The following LCN1 variants were observed in gnomAD, a reference collection of about 807,000 sequenced individuals.
LCN1 encodes lipocalin 1, also known as lipocalin-1.
Under a neutral mutation model 22.3 loss-of-function variants are expected in LCN1, and 25 were observed. The observed-to-expected ratio is 1.12, with a 90% CI of 0.82 to 1.56. The LOEUF (loss-of-function observed/expected upper bound fraction) is 1.56, where lower values mean the gene tolerates loss of function less well. LCN1 is among the 40% of genes most tolerant of loss of function. The pLI, the probability that LCN1 is intolerant of heterozygous loss-of-function variation, is 0.00. For missense variants in LCN1, 219 were observed against 235.6 expected (o/e 0.93, Z 0.46); for synonymous variants, 85 against 97.6 (o/e 0.87, Z 0.76).
Position 135,525,178 on chromosome 9 carries a change from G to C in LCN1, c.*1+20G>C. The C allele has an allele frequency of 6.2e-7, 1 of 1,611,714 alleles. No individual in the cohort carries two copies. Among genetic ancestry groups the C allele is most frequent in the South Asian group, 1.1e-5 (1 of 90,638 alleles). ...ATTAGGGTGAGTGAACAGCTTTAGA[G>C]GACATTTGAGAAAATCCAGTTCTGG... On this transcript the variant is annotated intron_variant, in intron 6 of 6. Coordinates refer to ENST00000371781, the MANE Select transcript of LCN1 (RefSeq NM_002297.4).
intron 5 of LCN1, 22 bp downstream of exon 5, chr9:135,524,953 A>T (rs2118957243): frequency 6.3e-7 from 1 of 1,597,558 alleles, no homozygotes; most frequent in East Asian, 2.3e-5. Flanking sequence ...GGCCCTGCAG[A>T]GCCCCCCATG....
In LCN1 at chr9:135,526,470, C is replaced by A. The variant is rs548879365; in HGVS notation, c.*128C>A. On this transcript the variant is annotated 3_prime_UTR_variant, in exon 7 of 7. Transcript: ENST00000371781. ...CGGCTGGCTGCACCCCTTCCTACCACCCCCCGCCTTCCCCCTGCCCTGCGC... is the reference window on the plus strand; with the variant it reads ...CGGCTGGCTGCACCCCTTCCTACCAACCCCCGCCTTCCCCCTGCCCTGCGC... 8.8e-5 allele frequency: 113 copies of A among 1,277,386 alleles called. No homozygotes were observed. In the African/African-American group the frequency reaches 1.5e-3, roughly 17 times the overall value. 79.1% of individuals were successfully genotyped at this position (1,277,386 alleles called of 1,614,324 possible). A position where few individuals can be genotyped will look rare whatever the true frequency, so the allele number is the denominator to read the frequency against.
chr9:135,523,079 C>T lies in LCN1; in HGVS notation c.222-153C>T, dbSNP rs565708587. ...TGCCGCATGGGACCCGGAGGGGCCG[C>T]TGGTGCCTGGGTCTGAGATGCAGAG... is the stretch of plus-strand genomic sequence containing the variant. On this transcript the variant is annotated intron_variant, in intron 2 of 6. Coordinates refer to ENST00000371781, the MANE Select transcript of LCN1 (RefSeq NM_002297.4). 1.1e-4 allele frequency among the ~76,000 whole-genome samples: 16 copies of T among 152,316 alleles called. No individual in the cohort carries two copies. In the South Asian group the frequency reaches 3.3e-3, roughly 32 times the overall value.
Position 135,526,333 on chromosome 9 carries a change from C to G in LCN1, c.*2-11C>G. On this transcript the variant is annotated splice_polypyrimidine_tract_variant and intron_variant, in intron 6 of 6. Transcript: ENST00000371781. ...CTGTCCTGGCCTCACTCACCCTCCC[C>G]CCCTTTCCAGGGCAGGGGACACCTT... 1 of 1,248,314 alleles carries G rather than the reference C, an allele frequency of 8.0e-7. No homozygotes were observed. The highest frequency in any genetic ancestry group is 1.0e-6 in the Non-Finnish European group (1 of 966,298). 77.3% of individuals were successfully genotyped at this position (1,248,314 alleles called of 1,614,324 possible). A position where few individuals can be genotyped will look rare whatever the true frequency, so the allele number is the denominator to read the frequency against.
Position 135,526,435 on chromosome 9 carries a change from C to A in LCN1, c.*93C>A. On this transcript the variant is annotated 3_prime_UTR_variant, in exon 7 of 7. Transcript: ENST00000371781. ...GGGACATGGAAAAAGCTCCCCACCC[C>A]TGCAGAACGCGGCTGGCTGCACCCC... 7.8e-7 allele frequency: 1 copy of A among 1,286,748 alleles called. No homozygotes were observed. The highest frequency in any genetic ancestry group is 2.3e-5 in the Admixed American group (1 of 43,416). The allele number at this position is 1,286,748 out of a possible 1,614,324, so 79.7% of individuals were successfully genotyped here. A position where few individuals can be genotyped will look rare whatever the true frequency, so the allele number is the denominator to read the frequency against.
In LCN1 at chr9:135,526,460, C is replaced by T. The variant is rs1022734574; in HGVS notation, c.*118C>T. ...CTGCAGAACGCGGCTGGCTGCACCC[C>T]TTCCTACCACCCCCCGCCTTCCCCC... is the stretch of plus-strand genomic sequence containing the variant. On this transcript the variant is annotated 3_prime_UTR_variant, in exon 7 of 7. Transcript: ENST00000371781. The T allele has an allele frequency of 2.3e-6, 3 of 1,284,290 alleles. No individual in the cohort carries two copies. The Admixed American group carries it at 6.9e-5, about 30-fold the overall frequency. 79.6% of individuals were successfully genotyped at this position (1,284,290 alleles called of 1,614,324 possible). A position where few individuals can be genotyped will look rare whatever the true frequency, so the allele number is the denominator to read the frequency against.
At chr9:135,523,845 G>T in intron 3 of LCN1, 35 bp from the exon 4 acceptor site, 1 of 1,570,878 alleles carries the variant, frequency 6.4e-7, no homozygotes, top group African/African-American at 1.3e-5. Context: ...AGTCCCTGGT[G>T]GCTAATTCAG....
chr9:135,524,042 C>A, intron 4 of LCN1, 52 bp downstream of exon 4: 1 of 1,321,392 alleles, frequency 7.6e-7, no homozygotes, highest in Non-Finnish European at 1.1e-6. Flanking sequence ...GCCCTCCCTC[C>A]TCCCTCGGCC....
chr9:135,525,671 C>A (rs111794576), intron 6 of LCN1, among the ~76,000 whole-genome samples: 1 of 152,050 alleles, frequency 6.6e-6, no homozygotes, highest in Non-Finnish European at 1.5e-5. Flanking sequence ...TGGACAGCAT[C>A]GCTGTCCTTC....
chr9:135,523,996 T>A lies in LCN1; in HGVS notation c.403+6T>A, dbSNP rs764795539. ...CCGAGGGGTGAAGCTCGTGGGTGGG[T>A]CCCGCACCCTCACCCTGCAACCCAT... On this transcript the variant is annotated splice_donor_region_variant and intron_variant, in intron 4 of 6. Transcript: ENST00000371781. 1.2e-6 allele frequency: 2 copies of A among 1,602,898 alleles called. No homozygotes were observed. The highest frequency in any genetic ancestry group is 1.7e-5 in the Admixed American group (1 of 59,994).
intron 2 of LCN1, among the ~76,000 whole-genome samples, chr9:135,522,451 C>T (rs535302668): frequency 5.9e-5 from 9 of 152,350 alleles, no homozygotes; most frequent in Non-Finnish European, 8.8e-5. Context: ...TGTCTGGTGA[C>T]GTGCAGGCCC....
intron 6 of LCN1, among the ~76,000 whole-genome samples, chr9:135,525,834 C>T (rs183378402): frequency 3.0e-3 from 443 of 145,798 alleles, no homozygotes; most frequent in African/African-American, 0.01. Context: ...TGTGTGCCCC[C>T]CACACCATCG....
At position 135,522,146 on chromosome 9, in the gene LCN1, G is replaced by A. The variant is rs751593446; in HGVS notation, c.190G>A (p.Gly64Arg). 2.0e-5 allele frequency: 32 copies of A among 1,603,900 alleles called. No individual in the cohort carries two copies. Among genetic ancestry groups the A allele is most frequent in the Non-Finnish European group, 2.5e-5 (29 of 1,175,402 alleles). Residue 64 changes from glycine to arginine, a missense_variant, in exon 2 of 7, where the codon GGG becomes AGG. Gly to Arg is a moderately radical substitution (Grantham distance 125, BLOSUM62 -2). Transcript: ENST00000371781. ...ACCCATGACCCTCACGACCCTGGAA[G>A]GGGGCAACCTGGAAGCCAAGGTCAC... ...VTPMTLTTLE[G>R]GNLEAKVTML...
chr9:135,525,272 GC>G (rs2118958273), intron 6 of LCN1, 114 bp downstream of exon 6: 3 of 1,039,664 alleles, frequency 2.9e-6, no homozygotes, highest in South Asian at 1.6e-5. Flanking sequence ...GGTGGGAGAT[GC>G]CCCACGTAGG....
intron 1 of LCN1, 42 bp downstream of exon 1, chr9:135,521,629 G>A: frequency 1.3e-6 from 2 of 1,516,428 alleles, no homozygotes; most frequent in African/African-American, 1.4e-5. Flanking sequence ...GGGGCAAGGG[G>A]CGAGGCTGAG....
intron 6 of LCN1, among the ~76,000 whole-genome samples, chr9:135,526,105 C>T (rs1831640048): frequency 1.2e-5 from 1 of 85,240 alleles, no homozygotes; most frequent in South Asian, 6.2e-4. Context: ...CCCACATGTG[C>T]CCCCCACACC....
intron 2 of LCN1, among the ~76,000 whole-genome samples, chr9:135,522,806 A>G (rs1377246633): frequency 6.6e-6 from 1 of 152,060 alleles, no homozygotes; most frequent in Non-Finnish European, 1.5e-5. Context: ...TTTTCCCCCA[A>G]AGCCCCTCAC....
intron 6 of LCN1, among the ~76,000 whole-genome samples, chr9:135,525,517 G>A (rs1336547439): frequency 2.0e-5 from 3 of 152,106 alleles, no homozygotes; most frequent in South Asian, 4.1e-4. Flanking sequence ...CCACTTACCC[G>A]ATAAGTTGCT....
rs1222817730 is a variant in LCN1, at chr9:135,526,462, T to A, written c.*120T>A. The A allele has an allele frequency of 7.8e-7, 1 of 1,282,034 alleles. No individual in the cohort carries two copies. The highest frequency in any genetic ancestry group is 1.0e-6 in the Non-Finnish European group (1 of 984,068). The allele number at this position is 1,282,034 out of a possible 1,614,324, so 79.4% of individuals were successfully genotyped here. The stretch of plus-strand genomic sequence containing the variant: ...GCAGAACGCGGCTGGCTGCACCCCT[T>A]CCTACCACCCCCCGCCTTCCCCCTG... On this transcript the variant is annotated 3_prime_UTR_variant, in exon 7 of 7. Transcript: ENST00000371781.
Sources: gnomAD v4.1 joint callset for allele counts (sites outside exome capture counted in the v4.1 genomes callset) on GRCh38, gnomAD v4.1.1 for gene constraint, MANE v1.5 for transcripts, NCBI Gene and HGNC (gene_info 2026-07-23, HGNC 2026-07-21) for gene names.